HTT: variants seen among roughly 807,000 people sequenced by gnomAD.
HTT encodes the protein huntington disease protein.
HTT carries 104 observed loss-of-function variants against 362.3 expected under a neutral mutation model. The ratio of observed to expected loss-of-function variants is 0.29; its 90% CI spans 0.24 to 0.34. The LOEUF is 0.34. Ranked by LOEUF, HTT falls within the 10% of genes least tolerant of loss-of-function variation. The pLI is 1.00. For missense variants in HTT, 3,301 were observed against 3,928.6 expected, an observed-to-expected ratio of 0.84 and a Z score of 4.27; for synonymous variants, 1,577 against 1,548.7, an observed-to-expected ratio of 1.02 and a Z score of -0.43.
chr4:3,239,764 T>C, intron 66 of HTT, 82 bp from the exon 67 acceptor site: 7 of 1,170,210 alleles, frequency 6.0e-6, no homozygotes, highest in Non-Finnish European at 8.6e-6. Flanking sequence ...TGTAGACTGT[T>C]TCAGGAGAGG....
At position 3,179,191 on chromosome 4, in the gene HTT, C is replaced by T. The variant is rs544660773; in HGVS notation, c.4612+745C>T. Reference sequence around the variant, plus strand: ...AGCGTGTGTGCAGAAGAGCATCAACCGGGCTGTGTTGCGAGGCAGGGCCTT... The same window carrying T: ...AGCGTGTGTGCAGAAGAGCATCAACTGGGCTGTGTTGCGAGGCAGGGCCTT... On this transcript the variant is annotated intron_variant, in intron 35 of 66. Coordinates refer to ENST00000355072, the MANE Select transcript of HTT (RefSeq NM_001388492.1). Among the ~76,000 whole-genome samples the T allele has an allele frequency of 3.5e-4, 53 of 152,228 alleles. 1 individual carries two copies. Among genetic ancestry groups the T allele is most frequent in the Admixed American group, 2.5e-3 (38 of 15,298 alleles).
chr4:3,077,935 C>T (rs1438876643), intron 1 of HTT, among the ~76,000 whole-genome samples: 1 of 152,224 alleles, frequency 6.6e-6, no homozygotes, highest in Non-Finnish European at 1.5e-5. Flanking sequence ...AAAAAATCCT[C>T]TTCTCAAAGT....
At chr4:3,189,204 T>C in intron 40 of HTT, 111 bp downstream of exon 40, 1 of 1,099,050 alleles carries the variant, frequency 9.1e-7, no homozygotes. Flanking sequence ...TTGCCCAGTG[T>C]GCCAGTTGAA....
chr4:3,126,138 C>T lies in HTT; in HGVS notation c.1402+509C>T, dbSNP rs193290404. Reference sequence around the variant, plus strand: ...TGTGCTCTTGGTGCACTGCAGCCTCCGCCTTCTGGGTTCCAGCGATTCTCC... The same window carrying T: ...TGTGCTCTTGGTGCACTGCAGCCTCTGCCTTCTGGGTTCCAGCGATTCTCC... On this transcript the variant is annotated intron_variant, in intron 11 of 66. Coordinates refer to ENST00000355072, the MANE Select transcript of HTT (RefSeq NM_001388492.1). Among the ~76,000 whole-genome samples the T allele has an allele frequency of 3.4e-3, 518 of 152,282 alleles. 1 individual carries two copies. The highest frequency in any genetic ancestry group is 0.012 in the African/African-American group (491 of 41,566).
chr4:3,209,116 G>C (rs1030716876), intron 46 of HTT, among the ~76,000 whole-genome samples: 1 of 152,236 alleles, frequency 6.6e-6, no homozygotes, highest in Non-Finnish European at 1.5e-5. Flanking sequence ...CCTTTTGGTA[G>C]GAGTGTGGGG....
In HTT at chr4:3,107,354, G is replaced by A; in HGVS notation, c.678G>A (p.Glu226=). The change falls in exon 6 of 67, where the codon GAG becomes GAA. Residue 226 remains glutamate, a synonymous_variant. Coordinates refer to ENST00000355072, the MANE Select transcript of HTT (RefSeq NM_001388492.1). ...TSKRPEESVQ[E]TLAAAVPKIM... ...AGAGACCCGAAGAATCAGTCCAGGA[G>A]ACCTTGGCTGCAGCTGTTCCCAAAA... 1 of 1,614,212 alleles carries A rather than the reference G, an allele frequency of 6.2e-7. No individual in the cohort carries two copies.
chr4:3,074,911 AGCAGCAGCAGCAGCAGCAG>A lies in HTT; in HGVS notation c.87_105del (p.Gln29HisfsTer66), dbSNP rs764336220. On this transcript the variant is annotated frameshift_variant, in exon 1 of 67. Coordinates refer to ENST00000355072, the MANE Select transcript of HTT (RefSeq NM_001388492.1). LOFTEE classifies it high-confidence loss of function. ...CAGCAGCAGCAGCAGCAGCAGCAGC[AGCAGCAGCAGCAGCAGCAG>A]CAGCAACAGCCGCCACCGCCGCCGC... is the stretch of plus-strand genomic sequence containing the variant. The A allele has an allele frequency of 6.7e-6, 10 of 1,502,368 alleles. No homozygotes were observed. Among genetic ancestry groups the A allele is most frequent in the South Asian group, 3.7e-5 (3 of 81,798 alleles). The allele number at this position is 1,502,368 out of a possible 1,614,324, so 93.1% of individuals were successfully genotyped here. A position where few individuals can be genotyped will look rare whatever the true frequency, so the allele number is the denominator to read the frequency against.
At chr4:3,145,121 G>T in intron 23 of HTT, 31 bp from the exon 24 acceptor site, 1 of 1,490,692 alleles carries the variant, frequency 6.7e-7, no homozygotes, top group Non-Finnish European at 9.4e-7. Flanking sequence ...TGTGGTGTTT[G>T]GGTGTGATTT....
At chr4:3,209,737 A>G (rs1250518846) in intron 46 of HTT, 90 bp from the exon 47 acceptor site, 9 of 1,522,696 alleles carry the variant, frequency 5.9e-6, no homozygotes, top group Non-Finnish European at 8.1e-6. Context: ...CGGTGTTCCC[A>G]AGCACTGGCC....
chr4:3,172,512 T>C, intron 30 of HTT, 115 bp downstream of exon 30: 1 of 788,730 alleles, frequency 1.3e-6, no homozygotes, highest in Non-Finnish European at 2.3e-6. Flanking sequence ...GATTGTGGGG[T>C]CCAGCGCAGC....
At chr4:3,106,745 C>T (rs1033194248) in intron 5 of HTT, among the ~76,000 whole-genome samples, 2 of 152,114 alleles carry the variant, frequency 1.3e-5, no homozygotes, top group African/African-American at 4.8e-5. Context: ...TCCCCAGCCA[C>T]CCTCTGAGGC....
At chr4:3,159,686 T>G (rs1303998106) in intron 28 of HTT, among the ~76,000 whole-genome samples, 1 of 152,264 alleles carries the variant, frequency 6.6e-6, no homozygotes, top group Non-Finnish European at 1.5e-5. Flanking sequence ...TCTGAGGCAG[T>G]GTTTTACCAA....
chr4:3,107,173 C>T, intron 5 of HTT, 112 bp from the exon 6 acceptor site: 1 of 1,068,460 alleles, frequency 9.4e-7, no homozygotes, highest in Non-Finnish European at 1.4e-6. Flanking sequence ...TTCCCCATCC[C>T]ATTAGGGACT....
intron 51 of HTT, among the ~76,000 whole-genome samples, chr4:3,217,415 C>G (rs145591720): frequency 2.0e-5 from 3 of 152,064 alleles, no homozygotes; most frequent in Non-Finnish European, 4.4e-5. Context: ...CAGAGAAAGA[C>G]GAGGGGCAGA....
At chr4:3,186,804 T>C in intron 38 of HTT, 85 bp downstream of exon 38, 1 of 1,334,396 alleles carries the variant, frequency 7.5e-7, no homozygotes, top group Non-Finnish European at 1.0e-6. Flanking sequence ...AATGTCTGAG[T>C]CAGTCAGTTT....
intron 39 of HTT, 187 bp downstream of exon 39, chr4:3,188,073 G>GAGA (rs549016844): frequency 3.6e-6 from 2 of 560,846 alleles, no homozygotes; most frequent in East Asian, 6.0e-5. Flanking sequence ...TACCTGTCTT[G>GAGA]AAGTTCTGTC....
At chr4:3,090,662 G>A (rs1281000222) in intron 2 of HTT, among the ~76,000 whole-genome samples, 1 of 152,038 alleles carries the variant, frequency 6.6e-6, no homozygotes, top group Non-Finnish European at 1.5e-5. Context: ...AAAGATATAG[G>A]TGACCACTTT....
Position 3,186,619 on chromosome 4 carries a change from C to A in HTT, c.4889C>A (p.Ala1630Asp). Residue 1630 changes from alanine to aspartate, a missense_variant, in exon 38 of 67, where the codon GCC becomes GAC. Ala to Asp is a moderately radical substitution (Grantham distance 126, BLOSUM62 -2). Transcript: ENST00000355072. Reference sequence around the variant, plus strand: ...CAGATGCACATTGACTCTCATGAAGCCCTTGGAGTGTTAAATACATTATTT... The same window carrying A: ...CAGATGCACATTGACTCTCATGAAGACCTTGGAGTGTTAAATACATTATTT... ...KQQMHIDSHE[A>D]LGVLNTLFEI... 1.9e-6 allele frequency: 3 copies of A among 1,612,886 alleles called. No homozygotes were observed. In the South Asian group the frequency reaches 3.3e-5, roughly 18 times the overall value.
intron 22 of HTT, among the ~76,000 whole-genome samples, chr4:3,141,715 T>C (rs1716354428): frequency 1.3e-5 from 2 of 152,202 alleles, no homozygotes; most frequent in Non-Finnish European, 2.9e-5. Flanking sequence ...TGAGCCAAGA[T>C]TGTGCCATTG....
Sources: gnomAD v4.1 joint callset for allele counts (sites outside exome capture counted in the v4.1 genomes callset) on GRCh38, gnomAD v4.1.1 for gene constraint, MANE v1.5 for transcripts, NCBI Gene and HGNC (gene_info 2026-07-23, HGNC 2026-07-21) for gene names.